Variants in TMIGD3 observed in about 807,000 individuals in gnomAD.
TMIGD3 encodes AD026 protein (AD026).
A neutral mutation model predicts 28.1 loss-of-function variants in TMIGD3; 21 were observed. The ratio of observed to expected loss-of-function variants is 0.75; its 90% CI spans 0.53 to 1.08. TMIGD3 has a LOEUF of 1.08. Ranked by LOEUF, TMIGD3 falls within the 50% of genes least tolerant of loss-of-function variation. The probability of loss-of-function intolerance (pLI) is 0.00; values close to 1 mark genes in which losing one functional copy is unlikely to be tolerated. For synonymous variants in TMIGD3, 151 were observed against 162.1 expected (o/e 0.93, Z 0.52); for missense variants, 416 against 435.6 (o/e 0.96, Z 0.40).
At chr1:111,533,209 C>T (rs1656512888) in intron 1 of TMIGD3, among the ~76,000 whole-genome samples, 1 of 152,138 alleles carries the variant, frequency 6.6e-6, no homozygotes, top group African/African-American at 2.4e-5. Flanking sequence ...TTTTCCCCTC[C>T]ACTGACACTT....
At chr1:111,521,645 A>C (rs1656063223) in intron 1 of TMIGD3, among the ~76,000 whole-genome samples, 1 of 152,104 alleles carries the variant, frequency 6.6e-6, no homozygotes, top group African/African-American at 2.4e-5. Flanking sequence ...AAGTTGTTAG[A>C]ATTCTTTGTA....
rs1418332857 is a variant in TMIGD3 at position 111,544,762 on chromosome 1, A to G, written c.107+19084T>C. 2.0e-5 allele frequency among the ~76,000 whole-genome samples: 3 copies of G among 151,406 alleles called. No individual in the cohort carries two copies. In the East Asian group the frequency reaches 5.8e-4, roughly 30 times the overall value. On this transcript the variant is annotated intron_variant, in intron 1 of 5. Transcript: ENST00000369717. ...GGTATATACCCAATTTCTTGGGTAT[A>G]TCCAATTTGGTACATACCCAATTTC... is the stretch of plus-strand genomic sequence containing the variant.
At chr1:111,554,660 C>T (rs1571462646) in intron 1 of TMIGD3, among the ~76,000 whole-genome samples, 1 of 152,182 alleles carries the variant, frequency 6.6e-6, no homozygotes, top group East Asian at 1.9e-4. Context: ...AAAATAATGG[C>T]ACTTGGTACA....
chr1:111,524,447 A>C (rs1656194517), intron 1 of TMIGD3, among the ~76,000 whole-genome samples: 1 of 152,202 alleles, frequency 6.6e-6, no homozygotes, highest in African/African-American at 2.4e-5. Flanking sequence ...ACACTGGGTG[A>C]AATAAACTTG....
At chr1:111,551,024 C>T (rs1483641885) in intron 1 of TMIGD3, among the ~76,000 whole-genome samples, 1 of 152,166 alleles carries the variant, frequency 6.6e-6, no homozygotes, top group African/African-American at 2.4e-5. Flanking sequence ...AAGTCTGACA[C>T]ATTTGTCTGG....
Position 111,486,608 on chromosome 1 carries a change from C to T in TMIGD3, c.850G>A (p.Val284Ile), listed in dbSNP as rs761357771. The change falls in exon 4 of 6, where the codon GTC (valine) becomes ATC (isoleucine). Residue 284 changes from valine (V) to isoleucine (I), a missense_variant. Physicochemically the swap from Val to Ile is conservative, Grantham distance 29. Coordinates refer to ENST00000369716, the MANE Select transcript of TMIGD3 (RefSeq NM_020683.7). Reference sequence around the variant, plus strand: ...CACCTGGAGCGGTCAGCCTTGCGGACAACTTTGGGAGCCTTGCAGCTTCTG... The same window carrying T: ...CACCTGGAGCGGTCAGCCTTGCGGATAACTTTGGGAGCCTTGCAGCTTCTG... ...KTRSCKAPKV[V>I]RKADRSRTSI... is the part of the protein sequence containing the mutation. 1 of 1,613,750 alleles carries T rather than the reference C, an allele frequency of 6.2e-7. No individual in the cohort carries two copies. Among genetic ancestry groups the T allele is most frequent in the East Asian group, 2.2e-5 (1 of 44,870 alleles).
chr1:111,516,829 A>G (rs891008313), intron 1 of TMIGD3, among the ~76,000 whole-genome samples: 5 of 152,120 alleles, frequency 3.3e-5, no homozygotes, highest in African/African-American at 9.7e-5. Flanking sequence ...ACAAAACAAC[A>G]CTTGTTCCAC....
At chr1:111,509,725 G>A (rs1238221853) in intron 1 of TMIGD3, among the ~76,000 whole-genome samples, 3 of 152,196 alleles carry the variant, frequency 2.0e-5, no homozygotes, top group Non-Finnish European at 4.4e-5. Context: ...ACTGCACAAG[G>A]TCATTTCGTA....
chr1:111,548,047 G>A (rs1016285192), intron 1 of TMIGD3, among the ~76,000 whole-genome samples: 1 of 152,150 alleles, frequency 6.6e-6, no homozygotes, highest in Non-Finnish European at 1.5e-5. Context: ...TTGAGACAGA[G>A]CCACACTCTG....
At chr1:111,523,347 G>A (rs527542122) in intron 1 of TMIGD3, among the ~76,000 whole-genome samples, 49 of 152,210 alleles carry the variant, frequency 3.2e-4, no homozygotes, top group East Asian at 1.9e-3. Flanking sequence ...ACTATGTACC[G>A]TATTATTCTT....
rs1557820800 is a variant in TMIGD3 at position 111,498,023 on chromosome 1, G to GAATAA, written c.350+4981_350+4982insTTATT. ...CACCCAAAGCCCTAGAATAAACCTA[G>GAATAA]GGCCTCATCCTGGAAGTGCCTTTTA... is the stretch of plus-strand genomic sequence containing the variant. On this transcript the variant is annotated intron_variant, in intron 1 of 5. Coordinates refer to ENST00000369716, the MANE Select transcript of TMIGD3 (RefSeq NM_020683.7). Among the ~76,000 whole-genome samples, 11 of 152,256 alleles carry GAATAA rather than the reference G, an allele frequency of 7.2e-5. No homozygotes were observed. The East Asian group carries it at 2.1e-3, about 29-fold the overall frequency.
intron 1 of TMIGD3, among the ~76,000 whole-genome samples, chr1:111,528,621 T>C (rs1656349165): frequency 1.3e-5 from 2 of 152,212 alleles, no homozygotes; most frequent in South Asian, 4.1e-4. Context: ...AACTGACATC[T>C]TGATAATATT....
intron 1 of TMIGD3, among the ~76,000 whole-genome samples, chr1:111,557,496 G>A (rs1441225388): frequency 4.6e-5 from 7 of 150,676 alleles, no homozygotes; most frequent in African/African-American, 2.4e-5. Context: ...GTTGCAGTGA[G>A]CCGAGATCAC....
intron 1 of TMIGD3, among the ~76,000 whole-genome samples, chr1:111,547,348 G>T (rs1437013133): frequency 6.6e-6 from 1 of 151,820 alleles, no homozygotes; most frequent in African/African-American, 2.4e-5. Flanking sequence ...CTATTGAGAT[G>T]ATGATTTTTT....
intron 1 of TMIGD3, among the ~76,000 whole-genome samples, chr1:111,528,124 T>C (rs554882801): frequency 6.6e-6 from 1 of 152,240 alleles, no homozygotes; most frequent in African/African-American, 2.4e-5. Flanking sequence ...CTAGGAGTCT[T>C]ATAGTTTTGC....
In TMIGD3 at chr1:111,488,923, A is replaced by T. The variant is rs1339970733; in HGVS notation, c.559T>A (p.Trp187Arg). 7 of 1,614,208 alleles carry T rather than the reference A, an allele frequency of 4.3e-6. No individual in the cohort carries two copies. Among genetic ancestry groups the T allele is most frequent in the Admixed American group, 1.7e-5 (1 of 60,030 alleles). ...NAHYKNHPKY[W>R]CRGYFRDYCN... ...TAGTCACGGAAATAGCCTCGGCACCAGTATTTGGGGTGATTCTTGTAGTGG... is the reference window on the plus strand; with the variant it reads ...TAGTCACGGAAATAGCCTCGGCACCTGTATTTGGGGTGATTCTTGTAGTGG... The change falls in exon 3 of 6, where the codon TGG becomes AGG. Residue 187 changes from tryptophan to arginine, a missense_variant. Transcript: ENST00000369716.
At chr1:111,525,461 CTTTG>C (rs1402722378) in intron 1 of TMIGD3, among the ~76,000 whole-genome samples, 3 of 152,168 alleles carry the variant, frequency 2.0e-5, no homozygotes, top group African/African-American at 4.8e-5. Flanking sequence ...CTGAAATCTA[CTTTG>C]TTTGATATTA....
intron 1 of TMIGD3, among the ~76,000 whole-genome samples, chr1:111,516,333 A>T (rs781001850): frequency 6.6e-6 from 1 of 152,210 alleles, no homozygotes; most frequent in Non-Finnish European, 1.5e-5. Context: ...CCAAGTTCTG[A>T]TGGTGATGGC....
intron 1 of TMIGD3, among the ~76,000 whole-genome samples, chr1:111,531,184 G>A (rs1188762591): frequency 2.6e-5 from 4 of 152,048 alleles, no homozygotes; most frequent in Non-Finnish European, 5.9e-5. Flanking sequence ...AGGCTGAGGT[G>A]GGAGGATCGC....
Sources: allele counts gnomAD v4.1 joint callset (sites outside exome capture counted in the v4.1 genomes callset), GRCh38; gene constraint gnomAD v4.1.1; transcripts MANE v1.5; gene names NCBI Gene and HGNC (gene_info 2026-07-23, HGNC 2026-07-21).